MYCBP2: variants seen among roughly 807,000 people sequenced by gnomAD.
MYCBP2 encodes MYC binding protein 2.
In MYCBP2, 120 loss-of-function variants were observed where a neutral mutation model predicts 525.3. The observed-to-expected ratio is 0.23, with a 90% CI of 0.20 to 0.27. The LOEUF (loss-of-function observed/expected upper bound fraction) is 0.27, where lower values mean the gene tolerates loss of function less well. Ranked by LOEUF, MYCBP2 falls within the 10% of genes least tolerant of loss-of-function variation. The pLI is 1.00. For missense variants in MYCBP2, 4,149 were observed against 5,657.1 expected, an observed-to-expected ratio of 0.73 and a Z score of 8.55; for synonymous variants, 1,894 against 1,955.8, an observed-to-expected ratio of 0.97 and a Z score of 0.83.
chr13:77,096,618 C>G, intron 56 of MYCBP2, 137 bp from the exon 57 acceptor site: 2 of 890,622 alleles, frequency 2.2e-6, no homozygotes, highest in East Asian at 5.5e-5. Context: ...ATTTTTCAGG[C>G]TATTAACTAT....
intron 40 of MYCBP2, among the ~76,000 whole-genome samples, chr13:77,166,966 A>AATACACACATAC (rs1457724056): frequency 4.8e-5 from 6 of 123,974 alleles, no homozygotes; most frequent in African/African-American, 1.9e-4. Context: ...TCAAAGACAA[A>AATACACACATAC]ACACACACAT....
intron 15 of MYCBP2, among the ~76,000 whole-genome samples, chr13:77,244,940 T>C (rs548084357): frequency 6.6e-6 from 1 of 152,090 alleles, no homozygotes. Context: ...CATCAAAAAG[T>C]GGGCGAAGGA....
intron 1 of MYCBP2, among the ~76,000 whole-genome samples, chr13:77,308,015 A>C (rs1395080970): frequency 6.6e-6 from 1 of 152,158 alleles, no homozygotes; most frequent in Non-Finnish European, 1.5e-5. Flanking sequence ...TATACTGGTT[A>C]GTTACAAACC....
At chr13:77,267,188 G>A (rs967676557) in intron 8 of MYCBP2, among the ~76,000 whole-genome samples, 1 of 151,766 alleles carries the variant, frequency 6.6e-6, no homozygotes, top group South Asian at 2.1e-4. Context: ...CATTTTTCCA[G>A]CATTCATCAA....
At chr13:77,244,255 G>C (rs2069464471) in intron 15 of MYCBP2, among the ~76,000 whole-genome samples, 1 of 152,282 alleles carries the variant, frequency 6.6e-6, no homozygotes, top group African/African-American at 2.4e-5. Flanking sequence ...TCTTTTTGCA[G>C]TTAGTGAAGC....
intron 53 of MYCBP2, 113 bp from the exon 54 acceptor site, chr13:77,125,581 T>C (rs2051510431): frequency 1.7e-6 from 2 of 1,154,450 alleles, no homozygotes; most frequent in African/African-American, 1.6e-5. Flanking sequence ...AATACATTTC[T>C]ACTAAGAAAT....
At chr13:77,210,428 G>A (rs1048258744) in intron 23 of MYCBP2, among the ~76,000 whole-genome samples, 20 of 152,038 alleles carry the variant, frequency 1.3e-4, no homozygotes, top group Admixed American at 7.9e-4. Context: ...TCCTGACCTC[G>A]TGATCTGCCC....
intron 1 of MYCBP2, among the ~76,000 whole-genome samples, chr13:77,308,802 C>T (rs540229952): frequency 8.5e-5 from 13 of 152,312 alleles, no homozygotes; most frequent in Non-Finnish European, 1.5e-4. Context: ...AGGGCCTGAA[C>T]CAGTGGAGAA....
chr13:77,152,999 A>G (rs2056712291), intron 46 of MYCBP2, among the ~76,000 whole-genome samples: 1 of 141,870 alleles, frequency 7.0e-6, no homozygotes, highest in Non-Finnish European at 1.5e-5. Flanking sequence ...CAGGAAGCGG[A>G]GCTTGCAGTG....
chr13:77,199,494 T>C (rs1231170827), intron 26 of MYCBP2, among the ~76,000 whole-genome samples: 1 of 152,098 alleles, frequency 6.6e-6, no homozygotes, highest in Non-Finnish European at 1.5e-5. Flanking sequence ...CAGGCTTGCT[T>C]AGGTAAACAA....
intron 31 of MYCBP2, 41 bp downstream of exon 31, chr13:77,185,830 A>G: frequency 7.2e-7 from 1 of 1,381,774 alleles, no homozygotes; most frequent in Non-Finnish European, 9.7e-7. Flanking sequence ...AATGTCTCTA[A>G]TATTTTCTCC....
chr13:77,062,342 G>A lies in MYCBP2; in HGVS notation c.12774+254C>T, dbSNP rs962001221. 4.9e-4 allele frequency among the ~76,000 whole-genome samples: 74 copies of A among 152,190 alleles called. 1 individual carries two copies. Among genetic ancestry groups the A allele is most frequent in the Middle Eastern group, 6.8e-3 (2 of 294 alleles). The stretch of plus-strand genomic sequence containing the variant: ...GGCTAAAAATAAATTTTGATATGAT[G>A]CAAACATGACTCAGAGAAGAAGAAA... On this transcript the variant is annotated intron_variant, in intron 74 of 82. Coordinates refer to ENST00000544440, the MANE Select transcript of MYCBP2 (RefSeq NM_015057.5).
intron 3 of MYCBP2, among the ~76,000 whole-genome samples, chr13:77,285,488 T>G (rs1362457174): frequency 6.6e-6 from 1 of 152,122 alleles, no homozygotes. Context: ...TGTTTTAGGT[T>G]AAAGAAAGAA....
chr13:77,189,001 T>C lies in MYCBP2; in HGVS notation c.4201A>G (p.Ser1401Gly), dbSNP rs2061030562. The change falls in exon 30 of 83, where the codon AGT (serine) becomes GGT (glycine). Residue 1401 changes from serine to glycine, a missense_variant. Coordinates refer to ENST00000544440, the MANE Select transcript of MYCBP2 (RefSeq NM_015057.5). ...CTCTTTAAAATGTGTACAGGTTCAC[T>C]GGTTTGCTGTTTGCCTTTTGAAGCA... ...GSASKGKQQT[S>G]EPVHILKRSF... 1.9e-6 allele frequency: 3 copies of C among 1,611,768 alleles called. No individual in the cohort carries two copies. The highest frequency in any genetic ancestry group is 2.5e-6 in the Non-Finnish European group (3 of 1,179,040).
intron 46 of MYCBP2, among the ~76,000 whole-genome samples, chr13:77,155,522 C>CATT (rs753223850): frequency 6.6e-6 from 1 of 151,966 alleles, no homozygotes; most frequent in Non-Finnish European, 1.5e-5. Context: ...TGCTCTGAAA[C>CATT]ATTATTATTA....
chr13:77,202,923 C>T (rs1274235194), intron 26 of MYCBP2, among the ~76,000 whole-genome samples: 1 of 152,130 alleles, frequency 6.6e-6, no homozygotes, highest in South Asian at 2.1e-4. Flanking sequence ...CTATGACAAA[C>T]CCACAGCCAG....
intron 23 of MYCBP2, among the ~76,000 whole-genome samples, chr13:77,210,317 C>G (rs1164808131): frequency 6.6e-6 from 1 of 151,648 alleles, no homozygotes; most frequent in African/African-American, 2.4e-5. Flanking sequence ...CTCAGCCTCC[C>G]GAGTAGCTGG....
chr13:77,126,614 T>G, intron 52 of MYCBP2, 72 bp from the exon 53 acceptor site: 1 of 1,113,526 alleles, frequency 9.0e-7, no homozygotes. Flanking sequence ...TTCCTATTAA[T>G]AGCTTTTATA....
At chr13:77,161,389 C>T (rs1049208871) in intron 44 of MYCBP2, among the ~76,000 whole-genome samples, 1 of 152,114 alleles carries the variant, frequency 6.6e-6, no homozygotes, top group Non-Finnish European at 1.5e-5. Flanking sequence ...AAAGGTAAAG[C>T]AAACAATAAT....
Sources: allele counts gnomAD v4.1 joint callset (sites outside exome capture counted in the v4.1 genomes callset), GRCh38; gene constraint gnomAD v4.1.1; transcripts MANE v1.5; gene names NCBI Gene and HGNC (gene_info 2026-07-23, HGNC 2026-07-21).